PUS7: variants seen among roughly 807,000 people sequenced by gnomAD.
PUS7 encodes pseudouridine synthase 7.
Under a neutral mutation model 79.8 loss-of-function variants are expected in PUS7, and 48 were observed. That is an observed-to-expected ratio of 0.60 (90% CI 0.48 to 0.76). The LOEUF (loss-of-function observed/expected upper bound fraction) is 0.76. Ranked by LOEUF, PUS7 falls within the 30% of genes least tolerant of loss-of-function variation. The probability of loss-of-function intolerance (pLI) is 0.00; values close to 1 mark genes in which losing one functional copy is unlikely to be tolerated. For missense variants in PUS7, 729 were observed against 797.6 expected (o/e 0.91, Z 1.04); for synonymous variants, 286 against 272.2 (o/e 1.05, Z -0.50).
At position 105,516,426 on chromosome 7, in the gene PUS7, T is replaced by A. The variant is rs1586187718; in HGVS notation, c.-33+5626A>T. ...GTCATTTTCGCAAGCAGGAACTACG[T>A]GAAAGGGAAGCTGAAATGGAATTTT... On this transcript the variant is annotated intron_variant, in intron 1 of 15. Transcript: ENST00000469408. Among the ~76,000 whole-genome samples the A allele has an allele frequency of 2.6e-5, 4 of 151,654 alleles. No individual in the cohort carries two copies. In the Admixed American group the frequency reaches 2.6e-4, roughly 10 times the overall value.
intron 7 of PUS7, among the ~76,000 whole-genome samples, chr7:105,489,171 A>T (rs1016447041): frequency 3.3e-5 from 5 of 150,702 alleles, no homozygotes; most frequent in Non-Finnish European, 7.4e-5. Context: ...AAAAAAAAGA[A>T]AGAAAGAAAA....
chr7:105,486,961 A>G (rs1027847822), intron 7 of PUS7, among the ~76,000 whole-genome samples: 7 of 152,006 alleles, frequency 4.6e-5, no homozygotes, highest in Admixed American at 2.0e-4. Flanking sequence ...TCGGGAGGCT[A>G]AGGCAGGAGG....
chr7:105,468,446 G>T lies in PUS7; in HGVS notation c.1416C>A (p.Arg472=). 1 of 1,606,490 alleles carries T rather than the reference G, an allele frequency of 6.2e-7. No homozygotes were observed. Among genetic ancestry groups the T allele is most frequent in the Non-Finnish European group, 8.5e-7 (1 of 1,175,928 alleles). ...TTTGGTAGCTATGAATATACATTAA[G>T]CGATTATTTCTGGGTATCTGGAGGG... ...SAFGIIPRNN[R]LMYIHSYQSY... Residue 472 remains arginine (R), a synonymous_variant, in exon 12 of 16, where the codon CGC becomes CGA. Transcript: ENST00000469408.
intron 1 of PUS7, among the ~76,000 whole-genome samples, chr7:105,509,152 C>T (rs1175625438): frequency 7.8e-6 from 1 of 128,372 alleles, no homozygotes; most frequent in Non-Finnish European, 1.6e-5. Context: ...CCACTGCACT[C>T]CAGCCTGGGG....
At chr7:105,507,247 T>C (rs1209950546) in intron 2 of PUS7, among the ~76,000 whole-genome samples, 2 of 152,110 alleles carry the variant, frequency 1.3e-5, no homozygotes, top group East Asian at 3.9e-4. Context: ...GGTTTCGCCA[T>C]GTTGCCCAGG....
At chr7:105,500,446 T>G (rs1825201117) in intron 5 of PUS7, among the ~76,000 whole-genome samples, 1 of 152,126 alleles carries the variant, frequency 6.6e-6, no homozygotes, top group African/African-American at 2.4e-5. Flanking sequence ...CCCTCCACCC[T>G]CTCACAAAAC....
intron 7 of PUS7, among the ~76,000 whole-genome samples, chr7:105,485,385 T>C (rs543112880): frequency 1.3e-5 from 2 of 152,188 alleles, no homozygotes; most frequent in East Asian, 3.9e-4. Context: ...AATTTTGTAT[T>C]TTTAGTAGAG....
chr7:105,464,340 A>C (rs1250974203), intron 13 of PUS7, among the ~76,000 whole-genome samples: 1 of 152,136 alleles, frequency 6.6e-6, no homozygotes, highest in Non-Finnish European at 1.5e-5. Context: ...AGGGAAATCC[A>C]GGTGGTTTGG....
In PUS7 at chr7:105,470,532, C is replaced by A. The variant is rs141583843; in HGVS notation, c.1398+156G>T. 2.6e-4 allele frequency: 200 copies of A among 771,880 alleles called. No individual in the cohort carries two copies. The African/African-American group carries it at 3.1e-3, about 12-fold the overall frequency. The allele number at this position is 771,880 out of a possible 1,614,324, so 47.8% of individuals were successfully genotyped here. Reference sequence around the variant, plus strand: ...CACCCCCAACATCACCACTCAGGGTCTGAACAAAGACTACTCAGGTGAAAC... The same window carrying A: ...CACCCCCAACATCACCACTCAGGGTATGAACAAAGACTACTCAGGTGAAAC... On this transcript the variant is annotated intron_variant, in intron 11 of 15. Transcript: ENST00000469408.
At chr7:105,479,924 G>A (rs989367733) in intron 9 of PUS7, among the ~76,000 whole-genome samples, 3 of 152,154 alleles carry the variant, frequency 2.0e-5, no homozygotes, top group Non-Finnish European at 4.4e-5. Flanking sequence ...CTTGAACCTG[G>A]GAGGTGGAGG....
intron 2 of PUS7, among the ~76,000 whole-genome samples, chr7:105,506,661 G>C (rs1459800238): frequency 6.6e-6 from 1 of 152,106 alleles, no homozygotes; most frequent in African/African-American, 2.4e-5. Flanking sequence ...GACCTCAAGT[G>C]ATCTGCCCAT....
chr7:105,475,216 C>T lies in PUS7; in HGVS notation c.1176-3023G>A, dbSNP rs558459386. 1.9e-4 allele frequency among the ~76,000 whole-genome samples: 29 copies of T among 152,078 alleles called. No individual in the cohort carries two copies. In the South Asian group the frequency reaches 2.1e-3, roughly 11 times the overall value. Reference sequence around the variant, plus strand: ...TACTTTTTTTTTTGAGATGGAGTCTCGCTCTGTCACCCAGGCTAGAGTGCA... The same window carrying T: ...TACTTTTTTTTTTGAGATGGAGTCTTGCTCTGTCACCCAGGCTAGAGTGCA... On this transcript the variant is annotated intron_variant, in intron 9 of 15. Coordinates refer to ENST00000469408, the MANE Select transcript of PUS7 (RefSeq NM_019042.5).
intron 7 of PUS7, among the ~76,000 whole-genome samples, chr7:105,483,944 T>C (rs965778527): frequency 2.6e-5 from 4 of 152,212 alleles, no homozygotes; most frequent in Non-Finnish European, 4.4e-5. Flanking sequence ...CTTTTACACG[T>C]CTTTCAATGT....
At chr7:105,471,549 C>T (rs541561520) in intron 10 of PUS7, among the ~76,000 whole-genome samples, 8 of 152,306 alleles carry the variant, frequency 5.3e-5, no homozygotes, top group East Asian at 1.9e-4. Flanking sequence ...GTGGTGCTCA[C>T]GCCTGTAATC....
At position 105,462,900 on chromosome 7, in the gene PUS7, G is replaced by C. The variant is rs970320706; in HGVS notation, c.1628-150C>G. ...TTTATAATCCAAAATCTGTTCCCTG[G>C]AATCAAAATTTAGTGACTTAGTAAC... On this transcript the variant is annotated intron_variant, in intron 13 of 15. Transcript: ENST00000469408. 3.8e-6 allele frequency: 3 copies of C among 784,548 alleles called. No homozygotes were observed. In the African/African-American group the frequency reaches 5.3e-5, roughly 14 times the overall value. 48.6% of individuals were successfully genotyped at this position (784,548 alleles called of 1,614,324 possible).
At chr7:105,458,480 T>C (rs1823280082) in intron 15 of PUS7, among the ~76,000 whole-genome samples, 1 of 151,384 alleles carries the variant, frequency 6.6e-6, no homozygotes, top group Admixed American at 6.6e-5. Flanking sequence ...TTGGCCAGGC[T>C]GGTCTGGAAC....
At position 105,462,768 on chromosome 7, in the gene PUS7, AAGTT is replaced by A; in HGVS notation, c.1628-22_1628-19del. 1 of 1,599,514 alleles carries A rather than the reference AAGTT, an allele frequency of 6.3e-7. No homozygotes were observed. Among genetic ancestry groups the A allele is most frequent in the Non-Finnish European group, 8.5e-7 (1 of 1,175,276 alleles). On this transcript the variant is annotated intron_variant, in intron 13 of 15. Coordinates refer to ENST00000469408, the MANE Select transcript of PUS7 (RefSeq NM_019042.5). The stretch of plus-strand genomic sequence containing the variant: ...TTCTTGAACTAATATAAAATACAAA[AAGTT>A]AGTTGAAATGCAGCTTGTCAGTCAA...
intron 6 of PUS7, among the ~76,000 whole-genome samples, chr7:105,494,475 T>A (rs1824923282): frequency 7.5e-6 from 1 of 133,568 alleles, no homozygotes; most frequent in East Asian, 2.5e-4. Flanking sequence ...AGTGGCACAA[T>A]CTCGGCTTAC....
chr7:105,505,120 C>G (rs1825403219), intron 4 of PUS7, among the ~76,000 whole-genome samples: 1 of 151,304 alleles, frequency 6.6e-6, no homozygotes, highest in Admixed American at 6.6e-5. Context: ...CTTGCCTCAG[C>G]CTCCCAAGTA....
Sources: gnomAD v4.1 joint callset for allele counts (sites outside exome capture counted in the v4.1 genomes callset) on GRCh38, gnomAD v4.1.1 for gene constraint, MANE v1.5 for transcripts, NCBI Gene and HGNC (gene_info 2026-07-23, HGNC 2026-07-21) for gene names.